Variants in APPBP2 observed in about 807,000 individuals in gnomAD.
APPBP2 encodes amyloid beta precursor protein binding protein 2, also known as amyloid protein-binding protein 2.
Under a neutral mutation model 76.0 loss-of-function variants are expected in APPBP2, and 15 were observed. That is an observed-to-expected ratio of 0.20 (90% CI 0.13 to 0.30). The LOEUF (loss-of-function observed/expected upper bound fraction) is 0.30. APPBP2 is among the 10% of genes least tolerant of loss of function. The pLI, the probability that APPBP2 is intolerant of heterozygous loss-of-function variation, is 1.00. For synonymous variants in APPBP2, 222 were observed against 242.2 expected (o/e 0.92, Z 0.77); for missense variants, 401 against 687.2 (o/e 0.58, Z 4.66).
In APPBP2 at chr17:60,516,638, C is replaced by A. The variant is rs149893257; in HGVS notation, c.138+9156G>T. 6.5e-3 allele frequency among the ~76,000 whole-genome samples: 989 copies of A among 152,274 alleles called. 13 individuals carry two copies. Among genetic ancestry groups the A allele is most frequent in the African/African-American group, 0.023 (958 of 41,560 alleles). ...ATTCTTCTATTGATGGGTATTTGGA[C>A]AGTTTCCACCTTTGGGCTATTATGA... is the stretch of plus-strand genomic sequence containing the variant. On this transcript the variant is annotated intron_variant, in intron 1 of 12. Transcript: ENST00000083182.
chr17:60,467,975 G>C (rs1349648242), intron 4 of APPBP2, among the ~76,000 whole-genome samples: 1 of 152,140 alleles, frequency 6.6e-6, no homozygotes, highest in Admixed American at 6.5e-5. Context: ...AGCACCTTGC[G>C]GGCCGTGGAA....
At position 60,447,577 on chromosome 17, in the gene APPBP2, T is replaced by C; in HGVS notation, c.*4A>G. ...AAAGGTAATTGGTTAACTGAGGTCC[T>C]CCCTCAGCAGCTCGGTCCCTCGACA... On this transcript the variant is annotated 3_prime_UTR_variant, in exon 13 of 13. Transcript: ENST00000083182. The C allele has an allele frequency of 6.2e-7, 1 of 1,606,252 alleles. No homozygotes were observed. The highest frequency in any genetic ancestry group is 8.5e-7 in the Non-Finnish European group (1 of 1,175,530).
At chr17:60,449,562 T>C (rs2090375844) in intron 12 of APPBP2, among the ~76,000 whole-genome samples, 1 of 152,016 alleles carries the variant, frequency 6.6e-6, no homozygotes, top group African/African-American at 2.4e-5. Flanking sequence ...CGCCACTGCA[T>C]ACCAGCCTGG....
At chr17:60,505,177 C>T (rs12162165) in intron 1 of APPBP2, among the ~76,000 whole-genome samples, 60,493 of 152,016 alleles carry the variant, frequency 0.4, 18,242 homozygotes, top group African/African-American at 0.85. Context: ...AGAATTAGTC[C>T]CTCCATTACC....
chr17:60,502,410 C>A (rs2090829989), intron 1 of APPBP2, among the ~76,000 whole-genome samples: 1 of 152,158 alleles, frequency 6.6e-6, no homozygotes, highest in East Asian at 1.9e-4. Context: ...ATGGGCTTAA[C>A]AAGGTGATAA....
Position 60,445,447 on chromosome 17 carries a change from A to G in APPBP2, c.*2134T>C, listed in dbSNP as rs2090338262. On this transcript the variant is annotated 3_prime_UTR_variant, in exon 13 of 13. Coordinates refer to ENST00000083182, the MANE Select transcript of APPBP2 (RefSeq NM_006380.5). Reference sequence around the variant, plus strand: ...CACAAAACCAAAAAATACAGATTGAAAAAAAAACTTCATATGGAAACATGT... The same window carrying G: ...CACAAAACCAAAAAATACAGATTGAGAAAAAAACTTCATATGGAAACATGT... 1 of 152,600 alleles carries G rather than the reference A, an allele frequency of 6.6e-6. No individual in the cohort carries two copies. Among genetic ancestry groups the G allele is most frequent in the South Asian group, 2.1e-4 (1 of 4,830 alleles). 9.5% of individuals were successfully genotyped at this position (152,600 alleles called of 1,614,324 possible). A position where few individuals can be genotyped will look rare whatever the true frequency, so the allele number is the denominator to read the frequency against.
intron 2 of APPBP2, among the ~76,000 whole-genome samples, chr17:60,499,985 T>C (rs1043080134): frequency 4.0e-5 from 6 of 151,596 alleles, no homozygotes; most frequent in Non-Finnish European, 7.4e-5. Context: ...AAATGAATGG[T>C]GTTGATGGTT....
intron 4 of APPBP2, among the ~76,000 whole-genome samples, chr17:60,471,634 C>A (rs73326479): frequency 6.6e-6 from 1 of 151,102 alleles, no homozygotes; most frequent in Non-Finnish European, 1.5e-5. Context: ...GATGTTCTTA[C>A]GTTGAACCAC....
chr17:60,467,767 C>T (rs1250987968), intron 4 of APPBP2, among the ~76,000 whole-genome samples: 1 of 152,116 alleles, frequency 6.6e-6, no homozygotes, highest in Non-Finnish European at 1.5e-5. Context: ...ACACTGTAGC[C>T]AGCCAAGTGA....
At position 60,484,412 on chromosome 17, in the gene APPBP2, A is replaced by G. The variant is rs190286529; in HGVS notation, c.380-5141T>C. Among the ~76,000 whole-genome samples the G allele has an allele frequency of 6.6e-4, 100 of 152,138 alleles. 3 individuals carry two copies. In the South Asian group the frequency reaches 0.021, roughly 32 times the overall value. On this transcript the variant is annotated intron_variant, in intron 3 of 12. Transcript: ENST00000083182. ...GTCCTCTTTTATTTTGTTGAGCAGT[A>G]GTTTGTAGTTCTCCTTGAAGAGGTC...
intron 2 of APPBP2, among the ~76,000 whole-genome samples, chr17:60,495,588 A>G (rs1466765697): frequency 6.6e-6 from 1 of 151,950 alleles, no homozygotes; most frequent in Non-Finnish European, 1.5e-5. Context: ...CTCCTGCTTC[A>G]GCCTCCACAG....
At chr17:60,516,090 A>G (rs2090960771) in intron 1 of APPBP2, among the ~76,000 whole-genome samples, 1 of 152,030 alleles carries the variant, frequency 6.6e-6, no homozygotes, top group Non-Finnish European at 1.5e-5. Flanking sequence ...TTGAACCCAG[A>G]AGGCAGAGGT....
chr17:60,456,234 C>G (rs2090430508), intron 10 of APPBP2, 62 bp downstream of exon 10: 1 of 1,107,456 alleles, frequency 9.0e-7, no homozygotes, highest in South Asian at 1.3e-5. Context: ...TAAACAAATA[C>G]CCCTATTTTA....
At chr17:60,473,824 T>C (rs1187895911) in intron 4 of APPBP2, among the ~76,000 whole-genome samples, 1 of 152,226 alleles carries the variant, frequency 6.6e-6, no homozygotes, top group African/African-American at 2.4e-5. Flanking sequence ...CATAGTTATT[T>C]GAGTCATCTG....
At chr17:60,470,585 A>G (rs919635421) in intron 4 of APPBP2, among the ~76,000 whole-genome samples, 1 of 150,766 alleles carries the variant, frequency 6.6e-6, no homozygotes, top group Non-Finnish European at 1.5e-5. Context: ...TTAATTAATT[A>G]ATTAAATTTT....
chr17:60,513,250 T>C (rs2090933510), intron 1 of APPBP2: 1 of 427,940 alleles, frequency 2.3e-6, no homozygotes, highest in Non-Finnish European at 4.4e-6. Flanking sequence ...AGATATTGTA[T>C]ATAAGAAATT....
At chr17:60,470,705 G>A (rs1598353491) in intron 4 of APPBP2, among the ~76,000 whole-genome samples, 1 of 151,920 alleles carries the variant, frequency 6.6e-6, no homozygotes, top group East Asian at 1.9e-4. Context: ...AGCCTCCAGA[G>A]TAGCTTGGAT....
intron 3 of APPBP2, among the ~76,000 whole-genome samples, chr17:60,488,849 A>G (rs1177995097): frequency 6.6e-6 from 1 of 152,200 alleles, no homozygotes; most frequent in Non-Finnish European, 1.5e-5. Flanking sequence ...CATCCTTAAC[A>G]TTAGTCAAGA....
intron 3 of APPBP2, among the ~76,000 whole-genome samples, chr17:60,493,108 C>T (rs541862388): frequency 1.2e-4 from 19 of 152,166 alleles, no homozygotes; most frequent in South Asian, 8.3e-4. Context: ...CTCTCATTCT[C>T]GTCTGCCACC....
Sources: allele counts gnomAD v4.1 joint callset (sites outside exome capture counted in the v4.1 genomes callset), GRCh38; gene constraint gnomAD v4.1.1; transcripts MANE v1.5; gene names NCBI Gene and HGNC (gene_info 2026-07-23, HGNC 2026-07-21).